Variants in UNC5D observed in about 807,000 individuals in gnomAD.
UNC5D encodes unc-5 netrin receptor D.
Under a neutral mutation model 105.4 loss-of-function variants are expected in UNC5D, and 39 were observed. The ratio of observed to expected loss-of-function variants is 0.37; its 90% CI spans 0.29 to 0.48. The LOEUF is 0.48. Among genes scored for constraint, UNC5D ranks in the 20% least tolerant of loss-of-function variants. The pLI is 0.98. For synonymous variants in UNC5D, 452 were observed against 450.4 expected (o/e 1.00, Z -0.04); for missense variants, 991 against 1,202.4 (o/e 0.82, Z 2.60).
At chr8:35,315,078 G>A (rs938584784) in intron 1 of UNC5D, among the ~76,000 whole-genome samples, 1 of 152,160 alleles carries the variant, frequency 6.6e-6, no homozygotes, top group African/African-American at 2.4e-5. Context: ...AGTACCAGTG[G>A]TCTCAGTAAG....
intron 16 of UNC5D, among the ~76,000 whole-genome samples, chr8:35,786,969 ACAAT>A (rs751712202): frequency 3.9e-5 from 6 of 152,212 alleles, no homozygotes; most frequent in South Asian, 2.1e-4. Context: ...AATCTGTGTG[ACAAT>A]CAATCAAGTA....
chr8:35,315,698 C>A (rs991374556), intron 1 of UNC5D, among the ~76,000 whole-genome samples: 5 of 152,184 alleles, frequency 3.3e-5, no homozygotes, highest in African/African-American at 1.2e-4. Flanking sequence ...CAACTTAAAA[C>A]ATCTCAATGA....
chr8:35,418,961 A>G (rs1805708697), intron 1 of UNC5D, among the ~76,000 whole-genome samples: 1 of 152,220 alleles, frequency 6.6e-6, no homozygotes, highest in South Asian at 2.1e-4. Flanking sequence ...TGGTCACTCA[A>G]TTCTGCTGCT....
intron 1 of UNC5D, among the ~76,000 whole-genome samples, chr8:35,478,623 G>A (rs1263769660): frequency 6.6e-6 from 1 of 152,148 alleles, no homozygotes; most frequent in African/African-American, 2.4e-5. Context: ...AAATATAGCT[G>A]TCTCATAAGG....
rs568548274 is a variant in UNC5D, at chr8:35,292,972, G to A, written c.103+57085G>A. On this transcript the variant is annotated intron_variant, in intron 1 of 16. Coordinates refer to ENST00000404895, the MANE Select transcript of UNC5D (RefSeq NM_080872.4). ...TCCAAATTGCTGGGATTAGATGTGA[G>A]CCACCATGCCTGGCTGCTGTATTCT... Among the ~76,000 whole-genome samples the A allele has an allele frequency of 2.6e-5, 4 of 152,174 alleles. No individual in the cohort carries two copies. The East Asian group carries it at 7.7e-4, about 29-fold the overall frequency.
At chr8:35,408,887 T>G (rs1804978067) in intron 1 of UNC5D, among the ~76,000 whole-genome samples, 1 of 152,100 alleles carries the variant, frequency 6.6e-6, no homozygotes. Context: ...CACCATCACA[T>G]TCAAGATACA....
intron 4 of UNC5D, among the ~76,000 whole-genome samples, chr8:35,679,959 C>T (rs1586414121): frequency 1.3e-5 from 2 of 152,160 alleles, no homozygotes; most frequent in African/African-American, 4.8e-5. Context: ...CATGGCATCA[C>T]ATGGCAATGA....
chr8:35,478,822 C>A (rs978757760), intron 1 of UNC5D, among the ~76,000 whole-genome samples: 1 of 152,104 alleles, frequency 6.6e-6, no homozygotes, highest in Non-Finnish European at 1.5e-5. Flanking sequence ...TTAATTAGAT[C>A]ATTAGGGATT....
rs557091723 is a variant in UNC5D, at chr8:35,341,780, T to A, written c.103+105893T>A. Among the ~76,000 whole-genome samples the A allele has an allele frequency of 1.6e-4, 24 of 152,222 alleles. No individual in the cohort carries two copies. The South Asian group carries it at 4.8e-3, about 30-fold the overall frequency. On this transcript the variant is annotated intron_variant, in intron 1 of 16. Transcript: ENST00000404895. ...AGTGAAACATGCAGCAACCAGCTAATTTTTTAAAAAATGAGATGATCATAG... is the reference window on the plus strand; with the variant it reads ...AGTGAAACATGCAGCAACCAGCTAAATTTTTAAAAAATGAGATGATCATAG...
At chr8:35,600,678 C>A (rs1178701641) in intron 4 of UNC5D, among the ~76,000 whole-genome samples, 4 of 152,034 alleles carry the variant, frequency 2.6e-5, no homozygotes, top group African/African-American at 9.7e-5. Context: ...TCTTTGAGTT[C>A]ATTGTAGATT....
At chr8:35,651,336 C>T (rs1383858273) in intron 4 of UNC5D, among the ~76,000 whole-genome samples, 2 of 151,784 alleles carry the variant, frequency 1.3e-5, no homozygotes, top group Non-Finnish European at 2.9e-5. Context: ...TAAGAGTCAA[C>T]ATAAAAGATA....
At chr8:35,414,541 ATC>A (rs144926749) in intron 1 of UNC5D, among the ~76,000 whole-genome samples, 6,939 of 152,198 alleles carry the variant, frequency 0.046, 171 homozygotes, top group African/African-American at 0.06. Context: ...CAAAACTAGG[ATC>A]TATATAATGA....
Position 35,643,089 on chromosome 8 carries a change from C to T in UNC5D, c.571-40458C>T, listed in dbSNP as rs1049981196. ...TTACTCTCCCTGATTCATGGCTTCT[C>T]AGCCTCGGCACTGTTGGCATTTTGG... On this transcript the variant is annotated intron_variant, in intron 4 of 16. Transcript: ENST00000404895. Among the ~76,000 whole-genome samples, 47 of 152,258 alleles carry T rather than the reference C, an allele frequency of 3.1e-4. 1 individual carries two copies. The highest frequency in any genetic ancestry group is 2.3e-3 in the Admixed American group (35 of 15,300).
At chr8:35,556,337 A>G (rs1303848493) in intron 2 of UNC5D, among the ~76,000 whole-genome samples, 2 of 152,188 alleles carry the variant, frequency 1.3e-5, no homozygotes, top group African/African-American at 2.4e-5. Context: ...TTTCTAGAGT[A>G]TCATTGCCTT....
At chr8:35,745,177 TCAAA>T (rs1434608386) in intron 11 of UNC5D, among the ~76,000 whole-genome samples, 1 of 152,078 alleles carries the variant, frequency 6.6e-6, no homozygotes, top group Non-Finnish European at 1.5e-5. Flanking sequence ...GGAGAAAAAG[TCAAA>T]CAAAGATCTG....
chr8:35,634,636 AG>A (rs1398175587), intron 4 of UNC5D, among the ~76,000 whole-genome samples: 1 of 152,072 alleles, frequency 6.6e-6, no homozygotes, highest in Non-Finnish European at 1.5e-5. Flanking sequence ...ATACTGATGC[AG>A]GGGGGAAAAA....
chr8:35,298,483 C>T (rs1038369183), intron 1 of UNC5D, among the ~76,000 whole-genome samples: 2 of 151,296 alleles, frequency 1.3e-5, no homozygotes, highest in African/African-American at 4.9e-5. Context: ...GACACTTTAA[C>T]AAAACACAAT....
intron 4 of UNC5D, among the ~76,000 whole-genome samples, chr8:35,681,364 G>A (rs1375911960): frequency 1.3e-5 from 2 of 152,148 alleles, no homozygotes; most frequent in Non-Finnish European, 2.9e-5. Context: ...CCCATTCATT[G>A]TAAGATCCAG....
At chr8:35,755,339 C>A (rs1160138550) in intron 13 of UNC5D, among the ~76,000 whole-genome samples, 2 of 152,186 alleles carry the variant, frequency 1.3e-5, no homozygotes, top group East Asian at 1.9e-4. Context: ...ACTTACTTGG[C>A]ATTAAGGTGG....
Sources: allele counts gnomAD v4.1 joint callset (sites outside exome capture counted in the v4.1 genomes callset), GRCh38; gene constraint gnomAD v4.1.1; transcripts MANE v1.5; gene names NCBI Gene and HGNC (gene_info 2026-07-23, HGNC 2026-07-21).